Variants in FHIT observed in about 807,000 individuals in gnomAD.
FHIT encodes the protein fragile histidine triad diadenosine triphosphatase, also known as bis(5'-adenosyl)-triphosphatase.
In FHIT, 19 loss-of-function variants were observed where a neutral mutation model predicts 17.9. The observed-to-expected ratio is 1.06, with a 90% confidence interval of 0.74 to 1.56. FHIT has a LOEUF of 1.56. Ranked by LOEUF, FHIT falls within the 40% of genes most tolerant of loss-of-function variation. The pLI, the probability that FHIT is intolerant of heterozygous loss-of-function variation, is 0.00. For synonymous variants in FHIT, 81 were observed against 69.7 expected, an observed-to-expected ratio of 1.16 and a Z score of -0.81; for missense variants, 248 against 189.2, an observed-to-expected ratio of 1.31 and a Z score of -1.82.
chr3:60,940,609 A>G lies in FHIT; in HGVS notation c.-111+101438T>C, dbSNP rs576358618. Among the ~76,000 whole-genome samples, 3 of 152,312 alleles carry G rather than the reference A, an allele frequency of 2.0e-5. No individual in the cohort carries two copies. In the South Asian group the frequency reaches 6.2e-4, roughly 32 times the overall value. Reference sequence around the variant, plus strand: ...TAATGTCTGAGGGTTATATGATGACATCTTTATCAATCACTTTTTTCATAC... The same window carrying G: ...TAATGTCTGAGGGTTATATGATGACGTCTTTATCAATCACTTTTTTCATAC... On this transcript the variant is annotated intron_variant, in intron 3 of 9. Coordinates refer to ENST00000492590, the MANE Select transcript of FHIT (RefSeq NM_002012.4).
In FHIT at chr3:60,387,078, C is replaced by A. The variant is rs1701041393; in HGVS notation, c.103+149782G>T. Among the ~76,000 whole-genome samples, 3 of 149,708 alleles carry A rather than the reference C, an allele frequency of 2.0e-5. No individual in the cohort carries two copies. In the South Asian group the frequency reaches 6.3e-4, roughly 31 times the overall value. On this transcript the variant is annotated intron_variant, in intron 5 of 9. Coordinates refer to ENST00000492590, the MANE Select transcript of FHIT (RefSeq NM_002012.4). ...TCTCAGCTCACTGCAACCTCTACTTCCCAGGTTCAAGCGATTCTCCTGCCT... is the reference window on the plus strand; with the variant it reads ...TCTCAGCTCACTGCAACCTCTACTTACCAGGTTCAAGCGATTCTCCTGCCT...
At chr3:59,994,203 G>A (rs1699408009) in intron 7 of FHIT, among the ~76,000 whole-genome samples, 1 of 152,004 alleles carries the variant, frequency 6.6e-6, no homozygotes, top group Non-Finnish European at 1.5e-5. Context: ...TAAGCCATGT[G>A]ACACAAAAAT....
At chr3:60,334,348 C>T (rs541924799) in intron 5 of FHIT, among the ~76,000 whole-genome samples, 3 of 152,174 alleles carry the variant, frequency 2.0e-5, no homozygotes, top group Non-Finnish European at 4.4e-5. Flanking sequence ...GAGGCTCAGA[C>T]CAATTTTAAA....
At chr3:60,247,621 C>A (rs1043847954) in intron 5 of FHIT, among the ~76,000 whole-genome samples, 3 of 152,168 alleles carry the variant, frequency 2.0e-5, no homozygotes, top group African/African-American at 7.2e-5. Flanking sequence ...CAGCCTCTGG[C>A]TCTCAACTTA....
chr3:60,864,765 AG>A (rs1253240452), intron 3 of FHIT, among the ~76,000 whole-genome samples: 1 of 152,156 alleles, frequency 6.6e-6, no homozygotes, highest in Non-Finnish European at 1.5e-5. Context: ...ACATTGTTTC[AG>A]GGGATATTAG....
intron 5 of FHIT, among the ~76,000 whole-genome samples, chr3:60,170,088 A>G (rs540719272): frequency 1.9e-4 from 29 of 152,258 alleles, no homozygotes; most frequent in African/African-American, 6.5e-4. Context: ...GTACAGGCAT[A>G]TAACTAAACT....
At chr3:61,026,517 A>G (rs183189324) in intron 3 of FHIT, among the ~76,000 whole-genome samples, 2 of 152,236 alleles carry the variant, frequency 1.3e-5, no homozygotes, top group Non-Finnish European at 2.9e-5. Context: ...CTGATCATAG[A>G]AATCTTAAGA....
intron 4 of FHIT, among the ~76,000 whole-genome samples, chr3:60,727,452 AACAGCAAT>A (rs2041939180): frequency 6.6e-6 from 1 of 152,222 alleles, no homozygotes; most frequent in African/African-American, 2.4e-5. Flanking sequence ...TAATCCAGCT[AACAGCAAT>A]AGAAGCAGAT....
intron 3 of FHIT, among the ~76,000 whole-genome samples, chr3:60,977,313 A>T (rs1710301206): frequency 6.6e-6 from 1 of 152,186 alleles, no homozygotes; most frequent in South Asian, 2.1e-4. Flanking sequence ...CATTCTGACC[A>T]AAATGAGCCA....
At chr3:60,305,013 G>A (rs564435362) in intron 5 of FHIT, among the ~76,000 whole-genome samples, 21 of 152,106 alleles carry the variant, frequency 1.4e-4, no homozygotes, top group South Asian at 2.1e-4. Flanking sequence ...GATTCTGTCC[G>A]TTGTCACATT....
chr3:60,199,249 A>G (rs1255863428), intron 5 of FHIT, among the ~76,000 whole-genome samples: 2 of 152,212 alleles, frequency 1.3e-5, no homozygotes, highest in African/African-American at 4.8e-5. Context: ...ATGTTACATC[A>G]TAATCTAGAA....
intron 4 of FHIT, among the ~76,000 whole-genome samples, chr3:60,673,446 A>G (rs1577055219): frequency 1.3e-5 from 2 of 152,092 alleles, no homozygotes; most frequent in African/African-American, 4.8e-5. Flanking sequence ...GTTCTCACTC[A>G]TAAGTGGGAG....
chr3:61,104,800 T>G (rs1595602), intron 2 of FHIT, among the ~76,000 whole-genome samples: 20,982 of 152,084 alleles, frequency 0.14, 1,548 homozygotes, highest in South Asian at 0.21. Context: ...TCTGACTGTC[T>G]TGTTTCAGAA....
At chr3:59,855,385 T>A (rs919151864) in intron 8 of FHIT, among the ~76,000 whole-genome samples, 4 of 152,244 alleles carry the variant, frequency 2.6e-5, no homozygotes, top group African/African-American at 9.6e-5. Flanking sequence ...TCTTACAGGG[T>A]TTTATTGCAT....
chr3:60,267,192 G>C (rs1363882038), intron 5 of FHIT, among the ~76,000 whole-genome samples: 1 of 151,966 alleles, frequency 6.6e-6, no homozygotes, highest in Non-Finnish European at 1.5e-5. Context: ...ATATTACTTA[G>C]AGATACAGAG....
At chr3:61,207,058 C>T (rs1249439098) in intron 1 of FHIT, among the ~76,000 whole-genome samples, 1 of 152,178 alleles carries the variant, frequency 6.6e-6, no homozygotes, top group African/African-American at 2.4e-5. Flanking sequence ...AAGGCCTTTT[C>T]TGCATCTATT....
intron 5 of FHIT, among the ~76,000 whole-genome samples, chr3:60,477,536 A>C (rs2033407662): frequency 6.6e-6 from 1 of 152,146 alleles, no homozygotes; most frequent in Non-Finnish European, 1.5e-5. Context: ...ATTTCTATAG[A>C]TCTCCACACA....
chr3:60,389,366 T>C (rs192275791), intron 5 of FHIT, among the ~76,000 whole-genome samples: 5 of 152,268 alleles, frequency 3.3e-5, no homozygotes, highest in African/African-American at 7.2e-5. Context: ...CTTTCAGAAA[T>C]AGAAGATAGA....
chr3:60,147,551 T>C (rs898110178), intron 5 of FHIT, among the ~76,000 whole-genome samples: 4 of 152,206 alleles, frequency 2.6e-5, no homozygotes, highest in Non-Finnish European at 4.4e-5. Flanking sequence ...GCAGACTCTG[T>C]GGCTTTATAC....
Sources: allele counts gnomAD v4.1 joint callset (sites outside exome capture counted in the v4.1 genomes callset), GRCh38; gene constraint gnomAD v4.1.1; transcripts MANE v1.5; gene names NCBI Gene and HGNC (gene_info 2026-07-23, HGNC 2026-07-21).